ADAMTS3: variants seen among roughly 807,000 people sequenced by gnomAD.
The protein encoded by ADAMTS3 is A disintegrin and metalloproteinase with thrombospondin motifs 3.
Under a neutral mutation model 129.0 loss-of-function variants are expected in ADAMTS3, and 73 were observed. That is an observed-to-expected ratio of 0.57 (90% confidence interval 0.47 to 0.69). ADAMTS3 has a LOEUF of 0.69. ADAMTS3 is among the 30% of genes least tolerant of loss of function. The pLI, the probability that ADAMTS3 is intolerant of heterozygous loss-of-function variation, is 0.00. For synonymous variants in ADAMTS3, 477 were observed against 510.8 expected, an observed-to-expected ratio of 0.93 and a Z score of 0.89; for missense variants, 1,457 against 1,514.5, an observed-to-expected ratio of 0.96 and a Z score of 0.63.
chr4:72,438,779 A>G (rs373026305), intron 3 of ADAMTS3, among the ~76,000 whole-genome samples: 1 of 151,762 alleles, frequency 6.6e-6, no homozygotes, highest in African/African-American at 2.4e-5. Context: ...TTTAGTCTCA[A>G]GTTCTAGGAA....
intron 3 of ADAMTS3, among the ~76,000 whole-genome samples, chr4:72,485,041 G>C (rs1719542883): frequency 6.6e-6 from 1 of 152,102 alleles, no homozygotes; most frequent in African/African-American, 2.4e-5. Context: ...ATGTCAGTAA[G>C]ATGAAATGGG....
chr4:72,526,733 CATAT>C (rs36097990), intron 3 of ADAMTS3, among the ~76,000 whole-genome samples: 6,073 of 97,594 alleles, frequency 0.062, 144 homozygotes, highest in Middle Eastern at 0.097. Flanking sequence ...TATATACATA[CATAT>C]ATATATATAT....
At chr4:72,365,978 G>T (rs1720859594) in intron 4 of ADAMTS3, among the ~76,000 whole-genome samples, 1 of 152,168 alleles carries the variant, frequency 6.6e-6, no homozygotes, top group African/African-American at 2.4e-5. Flanking sequence ...CAGCACTAAT[G>T]AATGCTCCCA....
At chr4:72,472,247 T>C (rs543233152) in intron 3 of ADAMTS3, among the ~76,000 whole-genome samples, 2 of 152,100 alleles carry the variant, frequency 1.3e-5, no homozygotes, top group Non-Finnish European at 2.9e-5. Flanking sequence ...TCCATGCCCC[T>C]TAGAAGAAAA....
At chr4:72,467,198 T>G (rs1318703447) in intron 3 of ADAMTS3, among the ~76,000 whole-genome samples, 1 of 152,088 alleles carries the variant, frequency 6.6e-6, no homozygotes, top group African/African-American at 2.4e-5. Flanking sequence ...TGGCTTTATT[T>G]CTAACTGCCA....
intron 4 of ADAMTS3, among the ~76,000 whole-genome samples, chr4:72,386,591 G>T (rs1342468947): frequency 3.3e-5 from 5 of 149,736 alleles, no homozygotes; most frequent in Admixed American, 3.3e-4. Flanking sequence ...GATGGGGGAA[G>T]AGAGAGAGAG....
rs754214454 is a variant in ADAMTS3, at chr4:72,315,949, T to C, written c.1508A>G (p.Lys503Arg). The change falls in exon 11 of 22, where the codon AAA becomes AGA. Residue 503 changes from lysine to arginine, a missense_variant. Coordinates refer to ENST00000286657, the MANE Select transcript of ADAMTS3 (RefSeq NM_014243.3). The part of the protein sequence containing the change: ...CTAFRTFDPC[K>R]QLWCSHPDNP... ...ATCAGGATGGCTACACCACAGCTGT[T>C]TACATGGGTCAAAGGTTCGGAACTG... 17 of 1,612,456 alleles carry C rather than the reference T, an allele frequency of 1.1e-5. No homozygotes were observed. The highest frequency in any genetic ancestry group is 1.4e-5 in the Non-Finnish European group (16 of 1,179,198).
At chr4:72,387,760 T>C (rs1005372060) in intron 4 of ADAMTS3, among the ~76,000 whole-genome samples, 3 of 152,140 alleles carry the variant, frequency 2.0e-5, no homozygotes, top group Admixed American at 6.6e-5. Flanking sequence ...GCAACATAAG[T>C]GGTGCTGGTC....
At chr4:72,421,751 C>A (rs1462281028) in intron 3 of ADAMTS3, among the ~76,000 whole-genome samples, 2 of 152,084 alleles carry the variant, frequency 1.3e-5, no homozygotes, top group Non-Finnish European at 2.9e-5. Flanking sequence ...ATATTCACAG[C>A]CATTAGAGGT....
chr4:72,406,342 T>C (rs923641911), intron 4 of ADAMTS3, among the ~76,000 whole-genome samples: 1 of 152,172 alleles, frequency 6.6e-6, no homozygotes, highest in Non-Finnish European at 1.5e-5. Flanking sequence ...CATATAGAAA[T>C]TTTAATAGAC....
chr4:72,430,043 A>C (rs1227939599), intron 3 of ADAMTS3, among the ~76,000 whole-genome samples: 1 of 151,956 alleles, frequency 6.6e-6, no homozygotes, highest in Non-Finnish European at 1.5e-5. Context: ...GGGCATTTGA[A>C]CCCTATTGTG....
chr4:72,363,918 G>A (rs1258954495), intron 4 of ADAMTS3, among the ~76,000 whole-genome samples: 1 of 151,936 alleles, frequency 6.6e-6, no homozygotes, highest in Non-Finnish European at 1.5e-5. Context: ...GATGGTGATG[G>A]CGACGATAAT....
chr4:72,356,456 AGTT>A (rs1384607465), intron 4 of ADAMTS3, among the ~76,000 whole-genome samples: 10 of 151,912 alleles, frequency 6.6e-5, no homozygotes, highest in African/African-American at 2.4e-4. Flanking sequence ...GAGTTCATCT[AGTT>A]GTTATAATGT....
chr4:72,380,071 G>A (rs1432291673), intron 4 of ADAMTS3, among the ~76,000 whole-genome samples: 2 of 152,110 alleles, frequency 1.3e-5, no homozygotes, highest in East Asian at 3.9e-4. Context: ...GGGTCTACAT[G>A]TCTCAAAGGG....
At chr4:72,336,815 C>T (rs1720002430) in intron 5 of ADAMTS3, among the ~76,000 whole-genome samples, 1 of 152,090 alleles carries the variant, frequency 6.6e-6, no homozygotes, top group Non-Finnish European at 1.5e-5. Context: ...GCATCCCAGG[C>T]CTCTGTCGCT....
intron 21 of ADAMTS3, among the ~76,000 whole-genome samples, chr4:72,284,640 C>T (rs1718454819): frequency 6.6e-6 from 1 of 152,084 alleles, no homozygotes; most frequent in South Asian, 2.1e-4. Context: ...TAGTAACACT[C>T]ATAAAATGTA....
At chr4:72,345,972 C>T (rs1039212164) in intron 4 of ADAMTS3, among the ~76,000 whole-genome samples, 13 of 152,050 alleles carry the variant, frequency 8.5e-5, no homozygotes, top group African/African-American at 3.1e-4. Flanking sequence ...CATACTAGTT[C>T]ACGTAACAAG....
chr4:72,541,930 G>A (rs193003255), intron 3 of ADAMTS3, among the ~76,000 whole-genome samples: 1,657 of 152,214 alleles, frequency 0.011, 20 homozygotes, highest in Non-Finnish European at 0.017. Flanking sequence ...CTCTGTGTAT[G>A]TATTCATATT....
At chr4:72,300,431 A>C (rs533028242) in intron 17 of ADAMTS3, among the ~76,000 whole-genome samples, 1 of 152,264 alleles carries the variant, frequency 6.6e-6, no homozygotes, top group African/African-American at 2.4e-5. Flanking sequence ...AAAGAATACA[A>C]TGTAATTATA....
Sources: gnomAD v4.1 joint callset for allele counts (sites outside exome capture counted in the v4.1 genomes callset) on GRCh38, gnomAD v4.1.1 for gene constraint, MANE v1.5 for transcripts, NCBI Gene and HGNC (gene_info 2026-07-23, HGNC 2026-07-21) for gene names.